Variants in MMD2 observed in about 807,000 individuals in gnomAD.
MMD2 encodes the protein monocyte to macrophage differentiation factor 2.
MMD2 carries 30 observed loss-of-function variants against 33.5 expected under a neutral mutation model. That is an observed-to-expected ratio of 0.90 (90% CI 0.67 to 1.22). MMD2 has a LOEUF of 1.22. Among genes scored for constraint, MMD2 ranks in the 50% most tolerant of loss-of-function variants. The pLI, the probability that MMD2 is intolerant of heterozygous loss-of-function variation, is 0.00. For synonymous variants in MMD2, 129 were observed against 123.0 expected (o/e 1.05, Z -0.32); for missense variants, 364 against 325.4 (o/e 1.12, Z -0.91).
intron 4 of MMD2, among the ~76,000 whole-genome samples, chr7:4,912,824 G>C (rs1001007882): frequency 6.6e-5 from 10 of 151,920 alleles, no homozygotes; most frequent in African/African-American, 2.4e-4. Context: ...TCCTGCCTCA[G>C]CCTCCCGAGT....
At chr7:4,952,712 GAC>G (rs1221623584) in intron 1 of MMD2, among the ~76,000 whole-genome samples, 2 of 127,416 alleles carry the variant, frequency 1.6e-5, no homozygotes, top group African/African-American at 5.9e-5. Context: ...TTTTTTTTGA[GAC>G]AGAGTCTTGC....
rs1273833132 is a variant in MMD2, at chr7:4,930,861, T to C, written c.48-5329A>G. 2.6e-5 allele frequency among the ~76,000 whole-genome samples: 4 copies of C among 152,142 alleles called. No homozygotes were observed. In the East Asian group the frequency reaches 7.7e-4, roughly 29 times the overall value. Reference sequence around the variant, plus strand: ...GTTTTTTTCTTTATTTTTATTTCTTTTTAATTTGAGACCGAGTCTTGCTCT... The same window carrying C: ...GTTTTTTTCTTTATTTTTATTTCTTCTTAATTTGAGACCGAGTCTTGCTCT... On this transcript the variant is annotated intron_variant, in intron 1 of 6. Transcript: ENST00000401401.
chr7:4,955,512 G>C (rs1203396816), intron 1 of MMD2, among the ~76,000 whole-genome samples: 2 of 152,182 alleles, frequency 1.3e-5, no homozygotes, highest in African/African-American at 4.8e-5. Flanking sequence ...ACTTGGAATT[G>C]ACTAGCCCAA....
At chr7:4,910,162 T>G in intron 5 of MMD2, 1 of 1,028,418 alleles carries the variant, frequency 9.7e-7, no homozygotes, top group Non-Finnish European at 1.4e-6. Flanking sequence ...TTTCCCTCCC[T>G]GAGACTCACT....
intron 2 of MMD2, among the ~76,000 whole-genome samples, chr7:4,923,223 C>T: frequency 6.6e-6 from 1 of 152,092 alleles, no homozygotes; most frequent in East Asian, 1.9e-4. Context: ...CCTGCCTCAG[C>T]CACCTCAGTA....
Position 4,907,517 on chromosome 7 carries a change from C to T in MMD2, c.620G>A (p.Arg207Lys). Residue 207 changes from arginine (R) to lysine (K), a missense_variant, in exon 7 of 7, where the codon AGG becomes AAG. By Grantham distance (26) the Arg-to-Lys change is conservative. Transcript: ENST00000401401. ...CCAGATGGCGTGGGCAAAGGGGATC[C>T]TCCCGTCACTCTTGAAGAAGACCAT... ...LGMVFFKSDG[R>K]IPFAHAIWHL... 6.2e-7 allele frequency: 1 copy of T among 1,613,868 alleles called. No homozygotes were observed. The highest frequency in any genetic ancestry group is 8.5e-7 in the Non-Finnish European group (1 of 1,179,890).
At chr7:4,923,178 A>G (rs1159172295) in intron 2 of MMD2, among the ~76,000 whole-genome samples, 1 of 151,714 alleles carries the variant, frequency 6.6e-6, no homozygotes, top group African/African-American at 2.4e-5. Flanking sequence ...ATCTTGGCTC[A>G]CTGCAGCCTC....
chr7:4,956,003 A>G (rs1231304046), intron 1 of MMD2, among the ~76,000 whole-genome samples: 1 of 151,964 alleles, frequency 6.6e-6, no homozygotes, highest in Non-Finnish European at 1.5e-5. Context: ...CAGTGAGCAG[A>G]GATTGCGCCA....
chr7:4,924,582 G>A (rs60674651), intron 2 of MMD2, among the ~76,000 whole-genome samples: 1 of 152,232 alleles, frequency 6.6e-6, no homozygotes, highest in Non-Finnish European at 1.5e-5. Flanking sequence ...CTGGCATGGT[G>A]ATGGGCCGTG....
At chr7:4,927,023 C>G (rs181659840) in intron 1 of MMD2, among the ~76,000 whole-genome samples, 1 of 151,812 alleles carries the variant, frequency 6.6e-6, no homozygotes, top group Non-Finnish European at 1.5e-5. Flanking sequence ...GATTTACAGG[C>G]GTGAGCCACC....
the MMD2 span, among the ~76,000 whole-genome samples, chr7:4,897,570 T>G: frequency 6.6e-6 from 1 of 152,172 alleles, no homozygotes; most frequent in African/African-American, 2.4e-5. Flanking sequence ...GGCCTGCACC[T>G]GCAGAGGTGG....
At chr7:4,948,249 G>C (rs747897401) in intron 1 of MMD2, among the ~76,000 whole-genome samples, 1 of 152,132 alleles carries the variant, frequency 6.6e-6, no homozygotes, top group East Asian at 1.9e-4. Context: ...TGTTGAGGCC[G>C]GGTGTGGTAG....
At chr7:4,925,429 AG>A (rs1785399600) in intron 2 of MMD2, 21 bp downstream of exon 2, 2 of 1,501,102 alleles carry the variant, frequency 1.3e-6, no homozygotes, top group Admixed American at 2.1e-5. Flanking sequence ...CTCAGCCCTG[AG>A]CCCCCCAAAA....
At chr7:4,895,857 A>G in the MMD2 span, among the ~76,000 whole-genome samples, 23 of 152,228 alleles carry the variant, frequency 1.5e-4, no homozygotes, top group African/African-American at 5.3e-4. Context: ...CTGTATCATC[A>G]GGACAACCTG....
chr7:4,935,172 C>G (rs925190103), intron 1 of MMD2, among the ~76,000 whole-genome samples: 1 of 151,412 alleles, frequency 6.6e-6, no homozygotes. Context: ...GGAGACAGAG[C>G]GAGACTCTGC....
At chr7:4,899,038 G>A in the MMD2 span, among the ~76,000 whole-genome samples, 2 of 151,948 alleles carry the variant, frequency 1.3e-5, no homozygotes, top group Non-Finnish European at 2.9e-5. Flanking sequence ...TTAGGTCAGG[G>A]AGGCTGCATC....
In MMD2 at chr7:4,959,172, G is replaced by C. The variant is rs975434323; in HGVS notation, c.-155C>G. ...CGGAGCCGGAGCCGGAGCCCGAGCCGGAGCTGGAGGCGCCCGGAGCCGCCG... is the reference window on the plus strand; with the variant it reads ...CGGAGCCGGAGCCGGAGCCCGAGCCCGAGCTGGAGGCGCCCGGAGCCGCCG... On this transcript the variant is annotated 5_prime_UTR_variant, in exon 1 of 7. Coordinates refer to ENST00000401401, the MANE Select transcript of MMD2 (RefSeq NM_198403.4). 21 of 489,130 alleles carry C rather than the reference G, an allele frequency of 4.3e-5. No individual in the cohort carries two copies. The highest frequency in any genetic ancestry group is 6.2e-5 in the Non-Finnish European group (20 of 322,826). The allele number at this position is 489,130 out of a possible 1,614,324, so 30.3% of individuals were successfully genotyped here. A position where few individuals can be genotyped will look rare whatever the true frequency, so the allele number is the denominator to read the frequency against.
chr7:4,939,910 T>C (rs962473770), intron 1 of MMD2, among the ~76,000 whole-genome samples: 1 of 152,076 alleles, frequency 6.6e-6, no homozygotes, highest in Non-Finnish European at 1.5e-5. Flanking sequence ...GGCTAATTTT[T>C]TTTGTATTTT....
chr7:4,926,547 T>C (rs1785433183), intron 1 of MMD2, among the ~76,000 whole-genome samples: 1 of 151,940 alleles, frequency 6.6e-6, no homozygotes. Context: ...AAGTGCCCAG[T>C]GCCCCCTCCC....
Sources: gnomAD v4.1 joint callset for allele counts (sites outside exome capture counted in the v4.1 genomes callset) on GRCh38, gnomAD v4.1.1 for gene constraint, MANE v1.5 for transcripts, NCBI Gene and HGNC (gene_info 2026-07-23, HGNC 2026-07-21) for gene names.